The following RASGEF1A variants were observed in gnomAD, a reference collection of about 807,000 sequenced individuals.
RASGEF1A encodes the protein ras-GEF domain-containing family member 1A.
A neutral mutation model predicts 56.4 loss-of-function variants in RASGEF1A; 18 were observed. The ratio of observed to expected loss-of-function variants is 0.32; its 90% confidence interval spans 0.22 to 0.47. RASGEF1A has a LOEUF of 0.47. Ranked by LOEUF, RASGEF1A falls within the 20% of genes least tolerant of loss-of-function variation. The pLI, the probability that RASGEF1A is intolerant of heterozygous loss-of-function variation, is 1.00. For synonymous variants in RASGEF1A, 245 were observed against 242.6 expected, an observed-to-expected ratio of 1.01 and a Z score of -0.09; for missense variants, 422 against 627.1, an observed-to-expected ratio of 0.67 and a Z score of 3.49.
chr10:43,197,476 C>T (rs531503435), intron 10 of RASGEF1A, among the ~76,000 whole-genome samples: 2 of 152,338 alleles, frequency 1.3e-5, no homozygotes, highest in East Asian at 3.9e-4. Flanking sequence ...CTGGGACCTT[C>T]GGAAGGATCC....
chr10:43,197,856 C>T, intron 10 of RASGEF1A, 148 bp downstream of exon 10: 1 of 634,314 alleles, frequency 1.6e-6, no homozygotes, highest in Admixed American at 3.0e-5. Flanking sequence ...ACCCCGTGAC[C>T]CACTATGAGG....
chr10:43,200,320 A>T (rs1426876478), intron 5 of RASGEF1A, 64 bp from the exon 6 acceptor site: 1 of 1,404,740 alleles, frequency 7.1e-7, no homozygotes, highest in African/African-American at 1.4e-5. Context: ...AGCACTGCAT[A>T]GGCATGCGGA....
intron 1 of RASGEF1A, among the ~76,000 whole-genome samples, chr10:43,224,363 T>G (rs1480389714): frequency 6.6e-6 from 1 of 152,096 alleles, no homozygotes; most frequent in African/African-American, 2.4e-5. Flanking sequence ...CTCAGCAACA[T>G]AGCAACACAT....
In RASGEF1A at chr10:43,196,584, C is replaced by T. The variant is rs529752958; in HGVS notation, c.1349-36G>A. 4.4e-6 allele frequency: 7 copies of T among 1,588,054 alleles called. No individual in the cohort carries two copies. In the African/African-American group the frequency reaches 6.7e-5, roughly 15 times the overall value. On this transcript the variant is annotated intron_variant, in intron 11 of 12. Transcript: ENST00000395810. The surrounding 1 kb of genome is among the most constrained non-coding windows in gnomAD (Gnocchi z 4.6). The stretch of plus-strand genomic sequence containing the variant: ...GGAAAGTCCCTCAGAGCCTGTGTCC[C>T]CATGCAGTGTCTGCCTGAACCCAGC...
chr10:43,219,051 A>C (rs1429448679), intron 1 of RASGEF1A, among the ~76,000 whole-genome samples: 2 of 152,134 alleles, frequency 1.3e-5, no homozygotes, highest in African/African-American at 4.8e-5. Flanking sequence ...ACCAAGAACC[A>C]TTCCATTCTT....
At chr10:43,258,013 G>C (rs1404612954) in intron 1 of RASGEF1A, among the ~76,000 whole-genome samples, 2 of 152,216 alleles carry the variant, frequency 1.3e-5, no homozygotes, top group African/African-American at 4.8e-5. Context: ...AGGAGGCTCA[G>C]AAAACAACTA....
intron 1 of RASGEF1A, among the ~76,000 whole-genome samples, chr10:43,218,860 C>A (rs1312252674): frequency 1.3e-5 from 2 of 152,248 alleles, no homozygotes; most frequent in Admixed American, 6.5e-5. Flanking sequence ...ACACATGATT[C>A]ATTTTTTCCT....
chr10:43,221,633 C>A (rs1021047907), intron 1 of RASGEF1A, among the ~76,000 whole-genome samples: 2 of 152,234 alleles, frequency 1.3e-5, no homozygotes, highest in Non-Finnish European at 2.9e-5. Context: ...CCAGGAGGAG[C>A]TGCCCCTGCT....
chr10:43,266,327 T>G (rs1836623079), intron 1 of RASGEF1A, among the ~76,000 whole-genome samples: 1 of 151,982 alleles, frequency 6.6e-6, no homozygotes, highest in African/African-American at 2.4e-5. Context: ...GCCCTGGACC[T>G]CTCCCCCAAA....
chr10:43,201,763 T>A, intron 4 of RASGEF1A, 45 bp downstream of exon 4: 1 of 1,505,378 alleles, frequency 6.6e-7, no homozygotes, highest in Non-Finnish European at 9.0e-7. Flanking sequence ...GGGCAGACCC[T>A]GGCACACACC....
chr10:43,254,091 G>A (rs370825781), intron 1 of RASGEF1A, among the ~76,000 whole-genome samples: 4 of 152,216 alleles, frequency 2.6e-5, no homozygotes, highest in East Asian at 1.9e-4. Context: ...CCCAGTGCTC[G>A]GTGGATGGCC....
At chr10:43,229,973 C>T (rs1396304971) in intron 1 of RASGEF1A, among the ~76,000 whole-genome samples, 4 of 151,920 alleles carry the variant, frequency 2.6e-5, no homozygotes, top group Non-Finnish European at 5.9e-5. Flanking sequence ...CGGGCGCGCG[C>T]CTGGCGCTAG....
At chr10:43,237,812 C>A (rs1276321924) in intron 1 of RASGEF1A, among the ~76,000 whole-genome samples, 2 of 152,178 alleles carry the variant, frequency 1.3e-5, no homozygotes, top group Non-Finnish European at 2.9e-5. Context: ...CCAGCATGGC[C>A]CCAGCACATA....
chr10:43,199,553 A>G, intron 7 of RASGEF1A, 123 bp downstream of exon 7: 1 of 775,774 alleles, frequency 1.3e-6, no homozygotes. Context: ...AGGCCCTGAC[A>G]ATGCAACAGG....
chr10:43,255,430 T>TCATC, intron 1 of RASGEF1A, among the ~76,000 whole-genome samples: 2 of 152,222 alleles, frequency 1.3e-5, no homozygotes, highest in Middle Eastern at 6.8e-3. Context: ...GGCTGCACCC[T>TCATC]CATCCAAAGG....
At chr10:43,265,639 C>T (rs1836610136) in intron 1 of RASGEF1A, among the ~76,000 whole-genome samples, 1 of 152,248 alleles carries the variant, frequency 6.6e-6, no homozygotes, top group African/African-American at 2.4e-5. Flanking sequence ...TGGAAATGTC[C>T]TCAGAGGTCA....
At chr10:43,255,925 T>C (rs1440592154) in intron 1 of RASGEF1A, among the ~76,000 whole-genome samples, 3 of 152,160 alleles carry the variant, frequency 2.0e-5, no homozygotes, top group Non-Finnish European at 4.4e-5. Flanking sequence ...TGCAGTGTGG[T>C]CTGGGCTTCT....
At position 43,194,664 on chromosome 10, in the gene RASGEF1A, A is replaced by G. The variant is rs1284864131; in HGVS notation, c.*1580T>C. 6.6e-6 allele frequency: 1 copy of G among 152,280 alleles called. No individual in the cohort carries two copies. The highest frequency in any genetic ancestry group is 1.5e-5 in the Non-Finnish European group (1 of 68,062). The allele number at this position is 152,280 out of a possible 1,614,324, so 9.4% of individuals were successfully genotyped here. Reference sequence around the variant, plus strand: ...AAAACATCAAATCAGGGTATGTATCAAATTGGGAAAATAAAGTAGCAGACA... The same window carrying G: ...AAAACATCAAATCAGGGTATGTATCGAATTGGGAAAATAAAGTAGCAGACA... On this transcript the variant is annotated 3_prime_UTR_variant, in exon 13 of 13. Coordinates refer to ENST00000395810, the MANE Select transcript of RASGEF1A (RefSeq NM_145313.4).
chr10:43,266,971 C>T lies in RASGEF1A; in HGVS notation c.-133G>A, dbSNP rs929787373. ...GCCCGCGGCACCCGCCCACCCGCGG[C>T]CGCCCCCGCGCTGCGCCAGCTGCGG... On this transcript the variant is annotated 5_prime_UTR_variant, in exon 1 of 13. Coordinates refer to ENST00000395810, the MANE Select transcript of RASGEF1A (RefSeq NM_145313.4). 3 of 146,564 alleles carry T rather than the reference C, an allele frequency of 2.0e-5. No individual in the cohort carries two copies. Among genetic ancestry groups the T allele is most frequent in the African/African-American group, 7.3e-5 (3 of 40,884 alleles). 9.1% of individuals were successfully genotyped at this position (146,564 alleles called of 1,614,324 possible).
Sources: gnomAD v4.1 joint callset for allele counts (sites outside exome capture counted in the v4.1 genomes callset) on GRCh38, gnomAD v4.1.1 for gene constraint, Gnocchi (gnomAD v3.1) non-coding constraint, MANE v1.5 for transcripts, NCBI Gene and HGNC (gene_info 2026-07-23, HGNC 2026-07-21) for gene names.